The following CACNA1E variants were observed in gnomAD, a reference collection of about 807,000 sequenced individuals.
CACNA1E encodes the protein calcium voltage-gated channel subunit alpha1 E.
CACNA1E carries 40 observed loss-of-function variants against 259.2 expected under a neutral mutation model. That is an observed-to-expected ratio of 0.15 (90% confidence interval 0.12 to 0.20). The LOEUF (loss-of-function observed/expected upper bound fraction) is 0.20. Among genes scored for constraint, CACNA1E ranks in the 10% least tolerant of loss-of-function variants. CACNA1E has a pLI of 1.00. For synonymous variants in CACNA1E, 1,104 were observed against 1,138.5 expected (o/e 0.97, Z 0.61); for missense variants, 1,874 against 3,040.1 (o/e 0.62, Z 9.02).
Position 181,762,611 on chromosome 1 carries a change from T to C in CACNA1E, c.4643T>C (p.Ile1548Thr). 1 of 1,610,928 alleles carries C rather than the reference T, an allele frequency of 6.2e-7. No individual in the cohort carries two copies. Among genetic ancestry groups the C allele is most frequent in the Non-Finnish European group, 8.5e-7 (1 of 1,177,808 alleles). Reference sequence around the variant, plus strand: ...GACACCTGGAATATCTTTGACTTCATCACCGTGATTGGCAGTATCACAGAA... The same window carrying C: ...GACACCTGGAATATCTTTGACTTCACCACCGTGATTGGCAGTATCACAGAA... ...FRDTWNIFDF[I>T]TVIGSITEII... The change falls in exon 33 of 48, where the codon ATC becomes ACC. Residue 1548 changes from isoleucine to threonine, a missense_variant. Coordinates refer to ENST00000367573, the MANE Select transcript of CACNA1E (RefSeq NM_001205293.3).
intron 6 of CACNA1E, among the ~76,000 whole-genome samples, chr1:181,605,480 G>A (rs1572356758): frequency 6.6e-6 from 1 of 151,854 alleles, no homozygotes. Context: ...CCTTTTCTTC[G>A]TGTTTTTGAA....
intron 6 of CACNA1E, among the ~76,000 whole-genome samples, chr1:181,588,652 C>T (rs1416975212): frequency 6.6e-6 from 1 of 152,210 alleles, no homozygotes; most frequent in Non-Finnish European, 1.5e-5. Flanking sequence ...GGCCAGTCTC[C>T]TAGTCTTTTG....
chr1:181,762,692 G>A (rs769604429), intron 33 of CACNA1E, 35 bp downstream of exon 33: 4 of 1,322,650 alleles, frequency 3.0e-6, no homozygotes, highest in African/African-American at 1.5e-5. Context: ...CTGTAAGCTT[G>A]GCCCTGGAGT....
At chr1:181,535,416 C>G (rs1668092965) in intron 3 of CACNA1E, among the ~76,000 whole-genome samples, 1 of 151,968 alleles carries the variant, frequency 6.6e-6, no homozygotes, top group South Asian at 2.1e-4. Context: ...TTTAAAAATT[C>G]ACCACCAACA....
intron 3 of CACNA1E, among the ~76,000 whole-genome samples, chr1:181,528,471 G>A (rs1667529484): frequency 6.6e-6 from 1 of 152,192 alleles, no homozygotes; most frequent in Non-Finnish European, 1.5e-5. Context: ...ACCTGAAAAT[G>A]TGGAAGTGAC....
At chr1:181,784,419 C>G (rs181980458) in intron 40 of CACNA1E, among the ~76,000 whole-genome samples, 5 of 152,292 alleles carry the variant, frequency 3.3e-5, no homozygotes, top group South Asian at 2.1e-4. Flanking sequence ...GGAAGTTGCT[C>G]TTAGTCTGAG....
intron 3 of CACNA1E, among the ~76,000 whole-genome samples, chr1:181,535,843 AC>A (rs1668131227): frequency 6.6e-6 from 1 of 151,680 alleles, no homozygotes; most frequent in South Asian, 2.1e-4. Context: ...ATGCACTATC[AC>A]CCCGGCTAAT....
intron 6 of CACNA1E, among the ~76,000 whole-genome samples, chr1:181,595,732 T>C (rs1653094068): frequency 6.6e-6 from 1 of 152,198 alleles, no homozygotes; most frequent in South Asian, 2.1e-4. Context: ...CCAGGGCTCC[T>C]GGGACTGCAG....
In CACNA1E at chr1:181,542,760, C is replaced by T. The variant is rs116704975; in HGVS notation, c.512+31250C>T. Among the ~76,000 whole-genome samples the T allele has an allele frequency of 6.6e-3, 994 of 151,678 alleles. 10 individuals carry two copies. The highest frequency in any genetic ancestry group is 0.027 in the Middle Eastern group (8 of 294). Reference sequence around the variant, plus strand: ...GCAGTTCTTTATAGCAGTATGAAATCGGACTAATACAGTGGCATGCCTTTT... The same window carrying T: ...GCAGTTCTTTATAGCAGTATGAAATTGGACTAATACAGTGGCATGCCTTTT... On this transcript the variant is annotated intron_variant, in intron 3 of 47. Coordinates refer to ENST00000367573, the MANE Select transcript of CACNA1E (RefSeq NM_001205293.3).
chr1:181,486,082 A>G (rs1663787828), intron 1 of CACNA1E, among the ~76,000 whole-genome samples: 1 of 152,210 alleles, frequency 6.6e-6, no homozygotes, highest in African/African-American at 2.4e-5. Flanking sequence ...TTCCGCTGCA[A>G]AGACACCGCC....
intron 2 of CACNA1E, among the ~76,000 whole-genome samples, chr1:181,469,439 A>G (rs67504218): frequency 0.4 from 60,691 of 151,970 alleles, 13,404 homozygotes; most frequent in African/African-American, 0.61. Flanking sequence ...TGGTTTGTAG[A>G]GAAAGAGGAT....
chr1:181,544,116 A>C (rs752584283), intron 3 of CACNA1E, among the ~76,000 whole-genome samples: 4 of 152,234 alleles, frequency 2.6e-5, no homozygotes, highest in Non-Finnish European at 5.9e-5. Flanking sequence ...AGACAATGGA[A>C]TACTACTCGA....
At chr1:181,601,687 GC>G (rs1653761955) in intron 6 of CACNA1E, among the ~76,000 whole-genome samples, 1 of 152,144 alleles carries the variant, frequency 6.6e-6, no homozygotes, top group South Asian at 2.1e-4. Flanking sequence ...ACCATCTCTT[GC>G]CTGAGTTAGT....
intron 36 of CACNA1E, chr1:181,771,717 G>A: frequency 4.3e-6 from 2 of 463,806 alleles, no homozygotes; most frequent in Non-Finnish European, 7.7e-6. Context: ...AACATGGCCT[G>A]CAAGGGTTTG....
At chr1:181,705,163 A>G (rs1652670370) in intron 7 of CACNA1E, among the ~76,000 whole-genome samples, 1 of 152,236 alleles carries the variant, frequency 6.6e-6, no homozygotes, top group Admixed American at 6.5e-5. Context: ...TTATAGGTTC[A>G]TACATTCATA....
chr1:181,348,778 C>T (rs1204530453), intron 1 of CACNA1E, among the ~76,000 whole-genome samples: 7 of 152,222 alleles, frequency 4.6e-5, no homozygotes, highest in African/African-American at 7.2e-5. Flanking sequence ...GCATCTGTGC[C>T]TGGAGACATC....
At chr1:181,505,539 C>A (rs4652660) in intron 1 of CACNA1E, among the ~76,000 whole-genome samples, 1 of 151,884 alleles carries the variant, frequency 6.6e-6, no homozygotes, top group African/African-American at 2.4e-5. Flanking sequence ...GCCTGGCTAA[C>A]ATTTTGTATT....
intron 7 of CACNA1E, among the ~76,000 whole-genome samples, chr1:181,670,018 T>A (rs1648632790): frequency 1.3e-5 from 2 of 152,244 alleles, no homozygotes; most frequent in Admixed American, 6.5e-5. Context: ...ATAGCTTTGA[T>A]ACCAAAATCT....
At chr1:181,366,368 C>T (rs1363675895) in intron 1 of CACNA1E, among the ~76,000 whole-genome samples, 1 of 152,170 alleles carries the variant, frequency 6.6e-6, no homozygotes, top group African/African-American at 2.4e-5. Flanking sequence ...ACTTGCTTTG[C>T]AGGTTGCACG....
Sources: gnomAD v4.1 joint callset for allele counts (sites outside exome capture counted in the v4.1 genomes callset) on GRCh38, gnomAD v4.1.1 for gene constraint, MANE v1.5 for transcripts, NCBI Gene and HGNC (gene_info 2026-07-23, HGNC 2026-07-21) for gene names.